Variants in SCYL2 observed in about 807,000 individuals in gnomAD.
SCYL2 encodes SCY1 like pseudokinase 2.
A neutral mutation model predicts 100.4 loss-of-function variants in SCYL2; 36 were observed. The observed-to-expected ratio is 0.36, with a 90% CI of 0.27 to 0.47. The LOEUF (loss-of-function observed/expected upper bound fraction) is 0.47. Ranked by LOEUF, SCYL2 falls within the 20% of genes least tolerant of loss-of-function variation. SCYL2 has a pLI of 1.00. For missense variants in SCYL2, 902 were observed against 1,083.9 expected, an observed-to-expected ratio of 0.83 and a Z score of 2.36; for synonymous variants, 330 against 359.2, an observed-to-expected ratio of 0.92 and a Z score of 0.92.
chr12:100,269,429 G>A (rs953098334), intron 1 of SCYL2, among the ~76,000 whole-genome samples: 4 of 151,954 alleles, frequency 2.6e-5, no homozygotes, highest in African/African-American at 9.7e-5. Flanking sequence ...CCACACCATT[G>A]AAGAGTTGTC....
chr12:100,337,969 A>G (rs922201907), intron 17 of SCYL2, among the ~76,000 whole-genome samples: 1 of 152,182 alleles, frequency 6.6e-6, no homozygotes, highest in Non-Finnish European at 1.5e-5. Context: ...TATTGGTGCT[A>G]TGGCAGTGAA....
chr12:100,300,854 C>T (rs1340470335), intron 4 of SCYL2, among the ~76,000 whole-genome samples: 2 of 152,132 alleles, frequency 1.3e-5, no homozygotes, highest in African/African-American at 4.8e-5. Flanking sequence ...GAATAGTACT[C>T]CATTATGTAT....
chr12:100,332,014 A>C (rs1165215548), intron 13 of SCYL2, among the ~76,000 whole-genome samples: 1 of 152,186 alleles, frequency 6.6e-6, no homozygotes, highest in Non-Finnish European at 1.5e-5. Flanking sequence ...GCATATAGTT[A>C]TGCCCAGGCT....
intron 2 of SCYL2, among the ~76,000 whole-genome samples, chr12:100,290,841 G>A (rs957528432): frequency 2.0e-5 from 3 of 152,144 alleles, no homozygotes; most frequent in African/African-American, 7.2e-5. Flanking sequence ...TGGGTAACTA[G>A]ATGAGAACTG....
intron 12 of SCYL2, among the ~76,000 whole-genome samples, chr12:100,328,446 A>G (rs901472219): frequency 6.6e-6 from 1 of 152,220 alleles, no homozygotes; most frequent in African/African-American, 2.4e-5. Flanking sequence ...AACAAAGGGA[A>G]AGTAACAAGC....
At chr12:100,294,453 G>A (rs2096315384) in intron 3 of SCYL2, among the ~76,000 whole-genome samples, 1 of 99,026 alleles carries the variant, frequency 1.0e-5, no homozygotes, top group Non-Finnish European at 2.0e-5. Flanking sequence ...CCCAGTAGGG[G>A]CGGCCGGGCA....
rs201509870 is a variant in SCYL2, at chr12:100,326,735, G to T, written c.1623G>T (p.Ala541=). 1 of 1,607,212 alleles carries T rather than the reference G, an allele frequency of 6.2e-7. No individual in the cohort carries two copies. The highest frequency in any genetic ancestry group is 1.3e-5 in the African/African-American group (1 of 74,594). ...AACAAATTCCATCCAAGGAACCTGC[G>T]GTCCTCATGGGAATTTTAGGTAGCT... ...FLQQIPSKEP[A]VLMGILGIYK... Residue 541 remains alanine (A), a synonymous_variant, in exon 12 of 18, where the codon GCG becomes GCT. Coordinates refer to ENST00000360820, the MANE Select transcript of SCYL2 (RefSeq NM_017988.6).
rs115523124 is a variant in SCYL2 at position 100,282,605 on chromosome 12, G to A, written c.-28-338G>A. On this transcript the variant is annotated intron_variant, in intron 1 of 17. Coordinates refer to ENST00000360820, the MANE Select transcript of SCYL2 (RefSeq NM_017988.6). Reference sequence around the variant, plus strand: ...CTCCCGAAGTGCTGATATTACAGGCGTGAGCCACCATGCCCATCCCCCACT... The same window carrying A: ...CTCCCGAAGTGCTGATATTACAGGCATGAGCCACCATGCCCATCCCCCACT... Among the ~76,000 whole-genome samples, 6 of 152,064 alleles carry A rather than the reference G, an allele frequency of 3.9e-5. No individual in the cohort carries two copies. In the South Asian group the frequency reaches 6.2e-4, roughly 16 times the overall value.
At chr12:100,274,058 A>G (rs956849386) in intron 1 of SCYL2, among the ~76,000 whole-genome samples, 1 of 152,210 alleles carries the variant, frequency 6.6e-6, no homozygotes, top group African/African-American at 2.4e-5. Flanking sequence ...CAGTAGCAAC[A>G]TTTTCTAGCT....
At chr12:100,295,110 CAG>C (rs2096317677) in intron 3 of SCYL2, among the ~76,000 whole-genome samples, 1 of 151,642 alleles carries the variant, frequency 6.6e-6, no homozygotes, top group African/African-American at 2.4e-5. Context: ...GGCGGCCGGG[CAG>C]AGACGCTCTT....
At chr12:100,274,273 G>T (rs770581507) in intron 1 of SCYL2, among the ~76,000 whole-genome samples, 1 of 152,148 alleles carries the variant, frequency 6.6e-6, no homozygotes, top group Non-Finnish European at 1.5e-5. Flanking sequence ...AATAACATGT[G>T]CTCCTCTTGC....
intron 13 of SCYL2, among the ~76,000 whole-genome samples, chr12:100,333,266 G>A (rs770734674): frequency 3.0e-4 from 46 of 152,136 alleles, no homozygotes; most frequent in African/African-American, 9.9e-4. Flanking sequence ...GCAGTATAAC[G>A]TAGTAGAAAA....
rs996855373 is a variant in SCYL2, at chr12:100,305,702, G to A, written c.481-5342G>A. Among the ~76,000 whole-genome samples, 7 of 141,074 alleles carry A rather than the reference G, an allele frequency of 5.0e-5. No individual in the cohort carries two copies. The Admixed American group carries it at 5.0e-4, about 10-fold the overall frequency. 92.6% of individuals were successfully genotyped at this position (141,074 alleles called of 152,430 possible). On this transcript the variant is annotated intron_variant, in intron 4 of 17. Coordinates refer to ENST00000360820, the MANE Select transcript of SCYL2 (RefSeq NM_017988.6). Reference sequence around the variant, plus strand: ...GAAAAACCCTTAAAAATAAATCAGTGAATCTAGGAGCTGGTTTTTTTTTTT... The same window carrying A: ...GAAAAACCCTTAAAAATAAATCAGTAAATCTAGGAGCTGGTTTTTTTTTTT...
At chr12:100,277,066 A>C (rs535973032) in intron 1 of SCYL2, among the ~76,000 whole-genome samples, 148 of 152,226 alleles carry the variant, frequency 9.7e-4, no homozygotes, top group Non-Finnish European at 1.8e-3. Flanking sequence ...TTAATCTATT[A>C]TTGATTTCTA....
At chr12:100,308,033 G>C (rs1450799598) in intron 4 of SCYL2, among the ~76,000 whole-genome samples, 1 of 152,178 alleles carries the variant, frequency 6.6e-6, no homozygotes, top group African/African-American at 2.4e-5. Context: ...CTTTTACACT[G>C]TTGGTGGGGG....
intron 1 of SCYL2, among the ~76,000 whole-genome samples, chr12:100,274,961 T>C (rs2096291129): frequency 6.6e-6 from 1 of 152,184 alleles, no homozygotes; most frequent in Admixed American, 6.5e-5. Context: ...TTGAATTGCA[T>C]TGAGTTTCTA....
intron 2 of SCYL2, among the ~76,000 whole-genome samples, chr12:100,286,305 A>C (rs1401104102): frequency 6.6e-6 from 1 of 152,134 alleles, no homozygotes; most frequent in Admixed American, 6.6e-5. Flanking sequence ...TGGGATATTT[A>C]AGCATTTATT....
At chr12:100,321,411 G>C (rs2096355604) in intron 10 of SCYL2, among the ~76,000 whole-genome samples, 1 of 152,098 alleles carries the variant, frequency 6.6e-6, no homozygotes, top group Non-Finnish European at 1.5e-5. Context: ...CCTGAGATGT[G>C]TGTACTTTAG....
intron 3 of SCYL2, among the ~76,000 whole-genome samples, chr12:100,296,184 T>A (rs1365572598): frequency 6.6e-6 from 1 of 152,232 alleles, no homozygotes; most frequent in Admixed American, 6.5e-5. Context: ...TAAGATGTCC[T>A]AATTGTTAGG....
Sources: allele counts gnomAD v4.1 joint callset (sites outside exome capture counted in the v4.1 genomes callset), GRCh38; gene constraint gnomAD v4.1.1; transcripts MANE v1.5; gene names NCBI Gene and HGNC (gene_info 2026-07-23, HGNC 2026-07-21).